Variants in CELF4 observed in about 807,000 individuals in gnomAD.
CELF4 encodes CUG-BP- and ETR-3-like factor 4.
Under a neutral mutation model 59.9 loss-of-function variants are expected in CELF4, and 18 were observed. That is an observed-to-expected ratio of 0.30 (90% CI 0.21 to 0.45). CELF4 has a LOEUF of 0.45. CELF4 is among the 20% of genes least tolerant of loss of function. The pLI is 1.00. For synonymous variants in CELF4, 261 were observed against 267.1 expected, an observed-to-expected ratio of 0.98 and a Z score of 0.22; for missense variants, 456 against 689.0, an observed-to-expected ratio of 0.66 and a Z score of 3.79.
At chr18:37,347,423 A>C (rs925986451) in intron 2 of CELF4, among the ~76,000 whole-genome samples, 3 of 152,128 alleles carry the variant, frequency 2.0e-5, no homozygotes, top group Admixed American at 2.0e-4. Context: ...TTGCAGGCCC[A>C]TCCCCCACCC....
chr18:37,556,695 T>C (rs117844735), intron 1 of CELF4, among the ~76,000 whole-genome samples: 1,679 of 152,288 alleles, frequency 0.011, 18 homozygotes, highest in South Asian at 0.029. Context: ...TCACTTGTCA[T>C]GGATGCCCCC....
At position 37,321,900 on chromosome 18, in the gene CELF4, G is replaced by C. The variant is rs1458345547; in HGVS notation, c.370-19C>G. On this transcript the variant is annotated intron_variant, in intron 2 of 12. Transcript: ENST00000420428. ...GGTTCATCTGCAACAGAGCAGAGGG[G>C]GACAGCATTATAGCAGGCCTGCGGG... 3.7e-6 allele frequency: 6 copies of C among 1,607,406 alleles called. No individual in the cohort carries two copies. Among genetic ancestry groups the C allele is most frequent in the Admixed American group, 1.7e-5 (1 of 59,714 alleles).
chr18:37,472,988 C>T (rs926100619), intron 2 of CELF4, among the ~76,000 whole-genome samples: 6 of 152,084 alleles, frequency 3.9e-5, no homozygotes, highest in African/African-American at 1.4e-4. Flanking sequence ...CCTGCATCAA[C>T]CCCCGAACCC....
At chr18:37,564,884 C>T (rs1445764318) in intron 1 of CELF4, among the ~76,000 whole-genome samples, 2 of 152,154 alleles carry the variant, frequency 1.3e-5, no homozygotes, top group African/African-American at 2.4e-5. Flanking sequence ...GGCTGCGCTC[C>T]TGCTACTCTA....
In CELF4 at chr18:37,272,769, C is replaced by T. The variant is rs372485777; in HGVS notation, c.949+247G>A. Among the ~76,000 whole-genome samples the T allele has an allele frequency of 2.6e-5, 4 of 152,262 alleles. No individual in the cohort carries two copies. The South Asian group carries it at 6.2e-4, about 24-fold the overall frequency. ...ATTGTTTCCTGATAAGGTTAAACAG[C>T]TTGAGAGAAATCCACCCCACCCTGA... is the stretch of plus-strand genomic sequence containing the variant. On this transcript the variant is annotated intron_variant, in intron 7 of 12. Coordinates refer to ENST00000420428, the MANE Select transcript of CELF4 (RefSeq NM_020180.4).
At chr18:37,362,340 C>G (rs990708153) in intron 2 of CELF4, among the ~76,000 whole-genome samples, 1 of 152,186 alleles carries the variant, frequency 6.6e-6, no homozygotes, top group Admixed American at 6.5e-5. Flanking sequence ...GGGTTGCGGA[C>G]GCATCACTCC....
At chr18:37,466,831 C>T (rs1043297660) in intron 2 of CELF4, among the ~76,000 whole-genome samples, 22 of 152,268 alleles carry the variant, frequency 1.4e-4, no homozygotes, top group Admixed American at 3.3e-4. Flanking sequence ...GAGAAGGTGG[C>T]ATGTGAGCTG....
intron 9 of CELF4, among the ~76,000 whole-genome samples, chr18:37,265,908 T>C (rs2077316999): frequency 6.6e-6 from 1 of 152,136 alleles, no homozygotes; most frequent in African/African-American, 2.4e-5. Context: ...GGGTGCTGTG[T>C]AGTCCAGGGG....
intron 2 of CELF4, among the ~76,000 whole-genome samples, chr18:37,327,131 C>T (rs2097344814): frequency 6.6e-6 from 1 of 152,136 alleles, no homozygotes; most frequent in Admixed American, 6.5e-5. Context: ...GACAGAAAGA[C>T]AGGCCAAGCT....
chr18:37,470,912 G>GAGAGAC, intron 2 of CELF4, among the ~76,000 whole-genome samples: 1 of 150,912 alleles, frequency 6.6e-6, no homozygotes, highest in African/African-American at 2.4e-5. Context: ...GAGAGAGAGA[G>GAGAGAC]AGAGAGAGGT....
At chr18:37,410,647 T>C (rs2099437889) in intron 2 of CELF4, among the ~76,000 whole-genome samples, 1 of 152,158 alleles carries the variant, frequency 6.6e-6, no homozygotes, top group South Asian at 2.1e-4. Flanking sequence ...TAGACGGATG[T>C]GGCATGTGAA....
chr18:37,369,841 A>G (rs546556197), intron 2 of CELF4, among the ~76,000 whole-genome samples: 1 of 152,350 alleles, frequency 6.6e-6, no homozygotes, highest in South Asian at 2.1e-4. Context: ...CAGCCAGCAC[A>G]ACAGATCCCA....
chr18:37,349,114 G>A (rs1039961467), intron 2 of CELF4, among the ~76,000 whole-genome samples: 3 of 152,226 alleles, frequency 2.0e-5, no homozygotes, highest in Admixed American at 2.0e-4. Context: ...TGAAGCAGGG[G>A]GAGGTGCTGG....
intron 1 of CELF4, among the ~76,000 whole-genome samples, chr18:37,515,207 G>A (rs913951941): frequency 3.3e-5 from 5 of 152,168 alleles, no homozygotes; most frequent in Non-Finnish European, 5.9e-5. Flanking sequence ...AAGCCTTAAG[G>A]AGCCTGGAGG....
chr18:37,490,583 C>A (rs2099899021), intron 1 of CELF4, among the ~76,000 whole-genome samples: 1 of 151,954 alleles, frequency 6.6e-6, no homozygotes, highest in Non-Finnish European at 1.5e-5. Context: ...TTCCTCTGAG[C>A]CGGGGCTGGC....
chr18:37,555,143 G>C (rs1345416096), intron 1 of CELF4, among the ~76,000 whole-genome samples: 1 of 152,166 alleles, frequency 6.6e-6, no homozygotes, highest in African/African-American at 2.4e-5. Flanking sequence ...CCAGGAATGG[G>C]ATGTGGCTTC....
At position 37,274,468 on chromosome 18, in the gene CELF4, G is replaced by A. The variant is rs755605796; in HGVS notation, c.658-14C>T. 9 of 1,611,984 alleles carry A rather than the reference G, an allele frequency of 5.6e-6. No homozygotes were observed. The highest frequency in any genetic ancestry group is 5.9e-6 in the Non-Finnish European group (7 of 1,179,472). On this transcript the variant is annotated splice_polypyrimidine_tract_variant and intron_variant, in intron 5 of 12. Transcript: ENST00000420428. ...GGACGAGGCTCCCTGCGGCCGGGGCGGCGCGTGAGACCCACCTGCTCCAGA... is the reference window on the plus strand; with the variant it reads ...GGACGAGGCTCCCTGCGGCCGGGGCAGCGCGTGAGACCCACCTGCTCCAGA...
At chr18:37,469,119 C>G (rs1262789717) in intron 2 of CELF4, among the ~76,000 whole-genome samples, 1 of 152,174 alleles carries the variant, frequency 6.6e-6, no homozygotes, top group African/African-American at 2.4e-5. Context: ...TACCTGTTAA[C>G]TGCAAGACTG....
intron 2 of CELF4, among the ~76,000 whole-genome samples, chr18:37,340,898 C>T (rs1277072762): frequency 1.3e-5 from 2 of 152,208 alleles, no homozygotes; most frequent in African/African-American, 2.4e-5. Flanking sequence ...CAGCTGTTTT[C>T]ATCTATTCGA....
Sources: allele counts gnomAD v4.1 joint callset (sites outside exome capture counted in the v4.1 genomes callset), GRCh38; gene constraint gnomAD v4.1.1; transcripts MANE v1.5; gene names NCBI Gene and HGNC (gene_info 2026-07-23, HGNC 2026-07-21).